The following METTL24 variants were observed in gnomAD, a reference collection of about 807,000 sequenced individuals.
METTL24 encodes methyltransferase like 24.
A neutral mutation model predicts 32.7 loss-of-function variants in METTL24; 29 were observed. That is an observed-to-expected ratio of 0.89 (90% CI 0.66 to 1.21). METTL24 has a LOEUF of 1.21. METTL24 is among the 50% of genes most tolerant of loss of function. METTL24 has a pLI of 0.00. For synonymous variants in METTL24, 163 were observed against 179.5 expected, an observed-to-expected ratio of 0.91 and a Z score of 0.73; for missense variants, 439 against 468.1, an observed-to-expected ratio of 0.94 and a Z score of 0.57.
At chr6:110,296,891 C>T (rs1320370806) in intron 4 of METTL24, among the ~76,000 whole-genome samples, 3 of 152,120 alleles carry the variant, frequency 2.0e-5, no homozygotes, top group South Asian at 2.1e-4. Flanking sequence ...GCTTGCTACA[C>T]GACACAAACA....
chr6:110,289,371 C>T (rs1771279214), intron 4 of METTL24, among the ~76,000 whole-genome samples: 1 of 152,078 alleles, frequency 6.6e-6, no homozygotes, highest in South Asian at 2.1e-4. Context: ...TCAGCTTTCA[C>T]AAACATGCAA....
At chr6:110,271,071 G>C (rs1436141109) in intron 4 of METTL24, among the ~76,000 whole-genome samples, 1 of 151,664 alleles carries the variant, frequency 6.6e-6, no homozygotes, top group Admixed American at 6.6e-5. Flanking sequence ...CATTGGCCAG[G>C]CTGGTCTCGA....
intron 4 of METTL24, among the ~76,000 whole-genome samples, chr6:110,273,805 A>G (rs1327339742): frequency 2.0e-5 from 3 of 152,254 alleles, no homozygotes. Flanking sequence ...CACTATGGAA[A>G]ACAATATGGA....
At chr6:110,318,629 G>C (rs1157461779) in intron 2 of METTL24, among the ~76,000 whole-genome samples, 1 of 136,242 alleles carries the variant, frequency 7.3e-6, no homozygotes, top group Non-Finnish European at 1.5e-5. Context: ...TTCAGCCTGG[G>C]CAACAGAGCA....
chr6:110,291,634 C>A (rs571626104), intron 4 of METTL24, among the ~76,000 whole-genome samples: 1 of 152,130 alleles, frequency 6.6e-6, no homozygotes, highest in East Asian at 1.9e-4. Flanking sequence ...CAGATTATTT[C>A]GTCACCCAGG....
At chr6:110,285,343 A>C (rs1467043999) in intron 4 of METTL24, among the ~76,000 whole-genome samples, 1 of 152,222 alleles carries the variant, frequency 6.6e-6, no homozygotes, top group Non-Finnish European at 1.5e-5. Context: ...TTAACTAAAA[A>C]CGGGGAAATG....
chr6:110,343,615 G>C (rs1443426147), intron 1 of METTL24, among the ~76,000 whole-genome samples: 1 of 152,220 alleles, frequency 6.6e-6, no homozygotes, highest in Non-Finnish European at 1.5e-5. Flanking sequence ...GAGTCAGGTA[G>C]GGAGTAGGGG....
chr6:110,317,868 G>T (rs1361236807), intron 2 of METTL24, among the ~76,000 whole-genome samples: 1 of 152,090 alleles, frequency 6.6e-6, no homozygotes, highest in African/African-American at 2.4e-5. Context: ...CAGAATCTTT[G>T]AGGCTGATAC....
rs1417906770 is a variant in METTL24 at position 110,358,276 on chromosome 6, G to A, written c.-4C>T. On this transcript the variant is annotated 5_prime_UTR_variant, in exon 1 of 5. Transcript: ENST00000338882. ...CGGGCGGCCTCTCCCGGGCCATGGC[G>A]CTACACTCGGGGTCCCGCGGGCCGC... The A allele has an allele frequency of 2.7e-6, 4 of 1,458,118 alleles. No homozygotes were observed. Among genetic ancestry groups the A allele is most frequent in the African/African-American group, 1.5e-5 (1 of 67,118 alleles). 90.3% of individuals were successfully genotyped at this position (1,458,118 alleles called of 1,614,324 possible).
chr6:110,272,704 T>C (rs1030071820), intron 4 of METTL24, among the ~76,000 whole-genome samples: 2 of 152,246 alleles, frequency 1.3e-5, no homozygotes, highest in African/African-American at 4.8e-5. Context: ...TTGGTTTGCA[T>C]TTCCCTGATA....
At chr6:110,293,428 T>A (rs1771355689) in intron 4 of METTL24, among the ~76,000 whole-genome samples, 1 of 152,034 alleles carries the variant, frequency 6.6e-6, no homozygotes, top group South Asian at 2.1e-4. Context: ...TATACTGTAC[T>A]CAGACAACTC....
In METTL24 at chr6:110,322,890, C is replaced by T. The variant is rs758609090; in HGVS notation, c.319-18G>A. On this transcript the variant is annotated intron_variant, in intron 1 of 4. Coordinates refer to ENST00000338882, the MANE Select transcript of METTL24 (RefSeq NM_001123364.3). ...CGGGGACCCTGCAAGAGACAGAAAA[C>T]ATAGGTTGTGTGTAAGGAAGAGGAA... 6.4e-7 allele frequency: 1 copy of T among 1,556,442 alleles called. No homozygotes were observed. Among genetic ancestry groups the T allele is most frequent in the South Asian group, 1.1e-5 (1 of 88,258 alleles).
chr6:110,347,309 A>G (rs1484135684), intron 1 of METTL24, among the ~76,000 whole-genome samples: 1 of 152,202 alleles, frequency 6.6e-6, no homozygotes, highest in African/African-American at 2.4e-5. Context: ...GCAAAATGAG[A>G]ACAATTCCTA....
intron 4 of METTL24, among the ~76,000 whole-genome samples, chr6:110,283,435 A>G (rs2114719095): frequency 6.6e-6 from 1 of 152,310 alleles, no homozygotes; most frequent in East Asian, 1.9e-4. Context: ...GAAGAAGCTA[A>G]CAAATCCTCT....
intron 1 of METTL24, among the ~76,000 whole-genome samples, chr6:110,352,530 T>G (rs1018667462): frequency 2.0e-5 from 3 of 152,188 alleles, no homozygotes; most frequent in African/African-American, 7.2e-5. Context: ...GCTCTTAAAA[T>G]TCAATTTTCA....
At chr6:110,303,919 C>T (rs1306581501) in intron 3 of METTL24, among the ~76,000 whole-genome samples, 2 of 152,174 alleles carry the variant, frequency 1.3e-5, no homozygotes, top group East Asian at 3.9e-4. Context: ...AGGAGAGCTC[C>T]AGCTGGCATC....
chr6:110,302,490 T>C lies in METTL24; in HGVS notation c.558-3340A>G, dbSNP rs75880821. On this transcript the variant is annotated intron_variant, in intron 3 of 4. Coordinates refer to ENST00000338882, the MANE Select transcript of METTL24 (RefSeq NM_001123364.3). ...GTGTATATATACACATATACACACA[T>C]ATGTGTATATATACACATATACACA... 2.0e-3 allele frequency among the ~76,000 whole-genome samples: 181 copies of C among 91,772 alleles called. 1 individual carries two copies. Among genetic ancestry groups the C allele is most frequent in the African/African-American group, 4.6e-3 (70 of 15,346 alleles). 60.2% of individuals were successfully genotyped at this position (91,772 alleles called of 152,430 possible).
intron 1 of METTL24, among the ~76,000 whole-genome samples, chr6:110,341,660 T>C (rs1458942425): frequency 1.3e-5 from 2 of 152,218 alleles, no homozygotes; most frequent in East Asian, 3.8e-4. Flanking sequence ...AACATATTTT[T>C]CTGAGATCCA....
intron 1 of METTL24, among the ~76,000 whole-genome samples, chr6:110,329,303 C>T (rs1024097878): frequency 8.5e-5 from 13 of 152,252 alleles, no homozygotes; most frequent in Middle Eastern, 3.4e-3. Flanking sequence ...TGTGAGTCCT[C>T]GACTCCAACT....
Sources: allele counts gnomAD v4.1 joint callset (sites outside exome capture counted in the v4.1 genomes callset), GRCh38; gene constraint gnomAD v4.1.1; transcripts MANE v1.5; gene names NCBI Gene and HGNC (gene_info 2026-07-23, HGNC 2026-07-21).